The following LGALS3 variants were observed in gnomAD, a reference collection of about 807,000 sequenced individuals.
LGALS3 encodes galectin-3.
In LGALS3, 18 loss-of-function variants were observed where a neutral mutation model predicts 20.7. The ratio of observed to expected loss-of-function variants is 0.87; its 90% confidence interval spans 0.60 to 1.29. The LOEUF is 1.29. Among genes scored for constraint, LGALS3 ranks in the 50% most tolerant of loss-of-function variants. The pLI, the probability that LGALS3 is intolerant of heterozygous loss-of-function variation, is 0.00. For synonymous variants in LGALS3, 112 were observed against 119.6 expected, an observed-to-expected ratio of 0.94 and a Z score of 0.42; for missense variants, 315 against 314.7, an observed-to-expected ratio of 1.00 and a Z score of -0.01.
intron 4 of LGALS3, among the ~76,000 whole-genome samples, chr14:55,141,887 G>A (rs993086879): frequency 3.3e-5 from 5 of 152,176 alleles, no homozygotes; most frequent in African/African-American, 7.2e-5. Flanking sequence ...TCTATAGAGC[G>A]CACTTTGAGA....
intron 1 of LGALS3, among the ~76,000 whole-genome samples, chr14:55,130,325 A>T (rs1223467879): frequency 1.3e-5 from 2 of 152,214 alleles, no homozygotes; most frequent in Non-Finnish European, 2.9e-5. Context: ...CAAGTTCGCC[A>T]TGCGGGTTCC....
intron 1 of LGALS3, among the ~76,000 whole-genome samples, chr14:55,132,494 A>T (rs564164813): frequency 3.3e-5 from 5 of 152,334 alleles, no homozygotes; most frequent in Non-Finnish European, 5.9e-5. Flanking sequence ...TACTTATCTG[A>T]ATAGATGTCT....
At chr14:55,135,715 C>CCACCACA in intron 1 of LGALS3, among the ~76,000 whole-genome samples, 1 of 151,964 alleles carries the variant, frequency 6.6e-6, no homozygotes, top group East Asian at 1.9e-4. Context: ...CAGGCATGCG[C>CCACCACA]CACCACACCC....
At chr14:55,140,022 A>C (rs1385062460) in intron 3 of LGALS3, among the ~76,000 whole-genome samples, 3 of 152,204 alleles carry the variant, frequency 2.0e-5, no homozygotes, top group Non-Finnish European at 4.4e-5. Context: ...AAAATAGTCA[A>C]CATGAATGAG....
At chr14:55,137,963 A>G (rs1881463165) in intron 2 of LGALS3, 82 bp from the exon 3 acceptor site, 1 of 1,446,088 alleles carries the variant, frequency 6.9e-7, no homozygotes, top group Non-Finnish European at 9.1e-7. Context: ...TCTCCTTCTT[A>G]GATCACATAT....
At chr14:55,142,474 C>T in intron 4 of LGALS3, 110 bp from the exon 5 acceptor site, 2 of 766,564 alleles carry the variant, frequency 2.6e-6, no homozygotes, top group South Asian at 2.6e-5. Flanking sequence ...GAAAAATTTC[C>T]TAGGTACTGT....
chr14:55,135,814 C>G (rs1432518861), intron 1 of LGALS3, among the ~76,000 whole-genome samples: 2 of 152,174 alleles, frequency 1.3e-5, no homozygotes, highest in Non-Finnish European at 2.9e-5. Context: ...ATTTGCCCAC[C>G]TTGGCCTCCC....
Position 55,129,924 on chromosome 14 carries a change from G to A in LGALS3, c.-5+624G>A, listed in dbSNP as rs1881176747. The stretch of plus-strand genomic sequence containing the variant: ...TGGACTTGGAGGAGATCTCGCTGTG[G>A]AGCGCGAATGAGTTCTTCCACCGGG... On this transcript the variant is annotated intron_variant, in intron 1 of 5. Coordinates refer to ENST00000254301, the MANE Select transcript of LGALS3 (RefSeq NM_002306.4). The surrounding 1 kb of genome is among the most constrained non-coding windows in gnomAD (Gnocchi z 5.3). 6.6e-6 allele frequency among the ~76,000 whole-genome samples: 1 copy of A among 152,160 alleles called. No individual in the cohort carries two copies. Among genetic ancestry groups the A allele is most frequent in the East Asian group, 1.9e-4 (1 of 5,192 alleles).
chr14:55,133,063 A>C (rs1881277201), intron 1 of LGALS3, among the ~76,000 whole-genome samples: 1 of 152,206 alleles, frequency 6.6e-6, no homozygotes, highest in Admixed American at 6.5e-5. Context: ...CCAAAACACA[A>C]TCCTTTTTAA....
At chr14:55,133,590 G>T (rs1001552573) in intron 1 of LGALS3, among the ~76,000 whole-genome samples, 1 of 152,104 alleles carries the variant, frequency 6.6e-6, no homozygotes, top group Admixed American at 6.5e-5. Flanking sequence ...AATAGATAAG[G>T]TATGTGAACA....
Position 55,138,118 on chromosome 14 carries a change from C to T in LGALS3, c.92C>T (p.Ala31Val). ...GWPGAWGNQP[A>V]GAGGYPGASY... ...CCTGGCGCATGGGGGAACCAGCCTG[C>T]TGGGGCAGGGGGCTACCCAGGGGCT... The change falls in exon 3 of 6, where the codon GCT (alanine) becomes GTT (valine). Residue 31 changes from alanine (A) to valine (V), a missense_variant. By Grantham distance (64) the Ala-to-Val change is moderately conservative. Coordinates refer to ENST00000254301, the MANE Select transcript of LGALS3 (RefSeq NM_002306.4). 6.5e-7 allele frequency: 1 copy of T among 1,547,478 alleles called. No individual in the cohort carries two copies. The highest frequency in any genetic ancestry group is 8.7e-7 in the Non-Finnish European group (1 of 1,150,900).
chr14:55,137,467 G>C, intron 2 of LGALS3, 76 bp downstream of exon 2: 6 of 1,613,874 alleles, frequency 3.7e-6, no homozygotes, highest in Non-Finnish European at 5.1e-6. Flanking sequence ...TTTTTACCAT[G>C]ACTTTCCCTT....
At position 55,138,270 on chromosome 14, in the gene LGALS3, C is replaced by A; in HGVS notation, c.244C>A (p.Pro82Thr). The stretch of plus-strand genomic sequence containing the variant: ...ACCTGCACCTGGAGTCTACCCAGGG[C>A]CACCCAGCGGCCCTGGGGCCTACCC... ...GAPAPGVYPG[P>T]PSGPGAYPSS... Residue 82 changes from proline (P) to threonine (T), a missense_variant, in exon 3 of 6, where the codon CCA becomes ACA. Physicochemically the swap from Pro to Thr is conservative, Grantham distance 38. Transcript: ENST00000254301. 1.2e-6 allele frequency: 2 copies of A among 1,612,900 alleles called. No homozygotes were observed. Among genetic ancestry groups the A allele is most frequent in the Admixed American group, 3.3e-5 (2 of 60,022 alleles).
intron 5 of LGALS3, among the ~76,000 whole-genome samples, chr14:55,144,809 C>T (rs1392874409): frequency 6.6e-6 from 1 of 152,066 alleles, no homozygotes; most frequent in Non-Finnish European, 1.5e-5. Context: ...TGTGATCCAC[C>T]CGCCTCAGCC....
chr14:55,145,264 T>C lies in LGALS3; in HGVS notation c.746T>C (p.Met249Thr). ...GACCTCACCAGTGCTTCATATACCATGATATAATCTGAAAGGGGCAGATTA... is the reference window on the plus strand; with the variant it reads ...GACCTCACCAGTGCTTCATATACCACGATATAATCTGAAAGGGGCAGATTA... ...DIDLTSASYTMI is the reference protein window; with the variant it reads ...DIDLTSASYTTI Residue 249 changes from methionine to threonine, a missense_variant, in exon 6 of 6, where the codon ATG (methionine) becomes ACG (threonine). Coordinates refer to ENST00000254301, the MANE Select transcript of LGALS3 (RefSeq NM_002306.4). 2 of 1,612,392 alleles carry C rather than the reference T, an allele frequency of 1.2e-6. No homozygotes were observed. The highest frequency in any genetic ancestry group is 1.3e-5 in the African/African-American group (1 of 74,534).
intron 4 of LGALS3, 159 bp downstream of exon 4, chr14:55,140,522 A>G (rs1881584078): frequency 1.8e-6 from 1 of 566,286 alleles, no homozygotes. Flanking sequence ...ATACCATCAT[A>G]TAGGATTATC....
intron 5 of LGALS3, 50 bp from the exon 6 acceptor site, chr14:55,145,066 G>A (rs1353668901): frequency 6.9e-7 from 1 of 1,454,138 alleles, no homozygotes; most frequent in South Asian, 1.2e-5. Context: ...CCTAAATCCA[G>A]CTGACATATG....
intron 1 of LGALS3, among the ~76,000 whole-genome samples, chr14:55,135,560 G>GTTTTTT (rs762172869): frequency 3.3e-4 from 35 of 106,560 alleles, no homozygotes; most frequent in African/African-American, 9.3e-4. Context: ...ATATTTTATG[G>GTTTTTT]TTTTTTTTTT....
Position 55,138,262 on chromosome 14 carries a change from ACCCAGGGCCACCCAGCGGC to A in LGALS3, c.239_257del (p.Pro80LeufsTer29). On this transcript the variant is annotated frameshift_variant, in exon 3 of 6. Coordinates refer to ENST00000254301, the MANE Select transcript of LGALS3 (RefSeq NM_002306.4). LOFTEE classifies it high-confidence loss of function. The stretch of plus-strand genomic sequence containing the variant: ...CCCGGAGCACCTGCACCTGGAGTCT[ACCCAGGGCCACCCAGCGGC>A]CCTGGGGCCTACCCATCTTCTGGAC... 6.2e-7 allele frequency: 1 copy of A among 1,612,772 alleles called. No homozygotes were observed. Among genetic ancestry groups the A allele is most frequent in the South Asian group, 1.1e-5 (1 of 91,070 alleles).
Sources: allele counts gnomAD v4.1 joint callset (sites outside exome capture counted in the v4.1 genomes callset), GRCh38; gene constraint gnomAD v4.1.1; non-coding constraint Gnocchi (gnomAD v3.1); transcripts MANE v1.5; gene names NCBI Gene and HGNC (gene_info 2026-07-23, HGNC 2026-07-21).